DOCK4: variants seen among roughly 807,000 people sequenced by gnomAD.
The protein encoded by DOCK4 is dedicator of cytokinesis protein 4.
A neutral mutation model predicts 268.1 loss-of-function variants in DOCK4; 97 were observed. That is an observed-to-expected ratio of 0.36 (90% CI 0.31 to 0.43). DOCK4 has a LOEUF of 0.43. Among genes scored for constraint, DOCK4 ranks in the 20% least tolerant of loss-of-function variants. DOCK4 has a pLI of 1.00. For missense variants in DOCK4, 2,145 were observed against 2,455.7 expected (o/e 0.87, Z 2.67); for synonymous variants, 954 against 887.2 (o/e 1.08, Z -1.34).
At chr7:112,107,539 T>G (rs1476924122) in intron 1 of DOCK4, among the ~76,000 whole-genome samples, 2 of 152,216 alleles carry the variant, frequency 1.3e-5, no homozygotes, top group Non-Finnish European at 2.9e-5. Context: ...AGAAAATAAA[T>G]GTCTGTTGTT....
intron 8 of DOCK4, among the ~76,000 whole-genome samples, chr7:111,973,186 T>TATATATATATATATATATAA (rs1554399511): frequency 1.6e-4 from 22 of 137,552 alleles, no homozygotes; most frequent in African/African-American, 5.7e-4. Flanking sequence ...TATATATATA[T>TATATATATATATATATATAA]AATATTTTCT....
chr7:111,977,380 T>C, intron 7 of DOCK4, 97 bp from the exon 8 acceptor site: 1 of 1,329,608 alleles, frequency 7.5e-7, no homozygotes, highest in Non-Finnish European at 1.0e-6. Flanking sequence ...TGTGATGTCC[T>C]ACGCCATAAC....
At chr7:112,191,133 G>A (rs907095917) in intron 1 of DOCK4, among the ~76,000 whole-genome samples, 1 of 152,172 alleles carries the variant, frequency 6.6e-6, no homozygotes, top group Non-Finnish European at 1.5e-5. Context: ...AGGCTAGAGT[G>A]CAGTAGCTAG....
intron 1 of DOCK4, among the ~76,000 whole-genome samples, chr7:112,171,376 T>C (rs933925572): frequency 1.3e-5 from 2 of 152,224 alleles, no homozygotes; most frequent in Non-Finnish European, 2.9e-5. Context: ...TGTCATATTT[T>C]TTTTCATTAA....
intron 16 of DOCK4, among the ~76,000 whole-genome samples, chr7:111,890,255 T>C (rs1304941378): frequency 3.3e-5 from 5 of 152,228 alleles, no homozygotes; most frequent in Non-Finnish European, 7.3e-5. Flanking sequence ...TTAATTCTTT[T>C]TTCTTAACTT....
chr7:111,831,014 T>C lies in DOCK4; in HGVS notation c.2835+3574A>G, dbSNP rs550671073. On this transcript the variant is annotated intron_variant, in intron 26 of 52. Transcript: ENST00000428084. ...TCTACACTCTCCTTGGATGTTCACA[T>C]TTACTCCCATGATGTCAGTTATTAT... is the stretch of plus-strand genomic sequence containing the variant. Among the ~76,000 whole-genome samples the C allele has an allele frequency of 5.9e-5, 9 of 152,212 alleles. No homozygotes were observed. In the South Asian group the frequency reaches 1.7e-3, roughly 28 times the overall value.
chr7:112,008,635 C>T (rs1423012455), intron 1 of DOCK4, among the ~76,000 whole-genome samples: 3 of 152,142 alleles, frequency 2.0e-5, no homozygotes, highest in African/African-American at 7.2e-5. Context: ...AACTTTTAAA[C>T]TGAATACAAA....
chr7:111,822,258 C>CAA (rs113026478), intron 27 of DOCK4, 104 bp downstream of exon 27: 586 of 797,784 alleles, frequency 7.3e-4, no homozygotes, highest in African/African-American at 5.7e-3. Context: ...AATTCAGAGG[C>CAA]AAAAAAAAAA....
intron 23 of DOCK4, among the ~76,000 whole-genome samples, chr7:111,857,310 T>G (rs909862852): frequency 6.6e-6 from 1 of 152,206 alleles, no homozygotes; most frequent in Non-Finnish European, 1.5e-5. Context: ...AATTTTTTAT[T>G]GCAGTTTTGT....
At chr7:112,044,272 T>C (rs1804641256) in intron 1 of DOCK4, among the ~76,000 whole-genome samples, 1 of 152,112 alleles carries the variant, frequency 6.6e-6, no homozygotes, top group Admixed American at 6.6e-5. Context: ...TTCTGAACTA[T>C]ATCAGCATGA....
At chr7:111,847,335 T>C (rs1586161092) in intron 23 of DOCK4, among the ~76,000 whole-genome samples, 1 of 152,262 alleles carries the variant, frequency 6.6e-6, no homozygotes, top group East Asian at 1.9e-4. Flanking sequence ...TTGACACTTT[T>C]AGGTGAAATA....
chr7:111,808,647 A>G (rs1800848300), intron 30 of DOCK4, 174 bp downstream of exon 30: 1 of 568,422 alleles, frequency 1.8e-6, no homozygotes, highest in Admixed American at 3.3e-5. Flanking sequence ...CAATTTAAAG[A>G]ATTTGTTGTA....
At chr7:111,883,375 T>C (rs1389482421) in intron 16 of DOCK4, among the ~76,000 whole-genome samples, 4 of 152,168 alleles carry the variant, frequency 2.6e-5, no homozygotes, top group Non-Finnish European at 5.9e-5. Flanking sequence ...CACCACTTCC[T>C]AGTGTGACTA....
intron 1 of DOCK4, among the ~76,000 whole-genome samples, chr7:112,050,897 A>G (rs977447728): frequency 6.6e-6 from 1 of 152,174 alleles, no homozygotes; most frequent in African/African-American, 2.4e-5. Context: ...TGTTTAGCTT[A>G]GTATTTCAAA....
At chr7:111,840,579 G>C (rs909280733) in intron 25 of DOCK4, among the ~76,000 whole-genome samples, 2 of 151,650 alleles carry the variant, frequency 1.3e-5, no homozygotes, top group African/African-American at 4.8e-5. Flanking sequence ...AAAAACAGTC[G>C]GTGGAAAAAC....
intron 12 of DOCK4, among the ~76,000 whole-genome samples, chr7:111,919,543 C>T (rs909127016): frequency 6.6e-6 from 1 of 152,098 alleles, no homozygotes; most frequent in Non-Finnish European, 1.5e-5. Context: ...TAGTTTTCAA[C>T]CTGAAGGTTT....
chr7:112,191,036 C>A (rs954233405), intron 1 of DOCK4, among the ~76,000 whole-genome samples: 1 of 152,190 alleles, frequency 6.6e-6, no homozygotes, highest in East Asian at 1.9e-4. Context: ...TTTTTTCTAG[C>A]CCCCTACCTT....
intron 5 of DOCK4, among the ~76,000 whole-genome samples, chr7:111,990,012 T>C (rs1475145635): frequency 6.6e-6 from 1 of 152,212 alleles, no homozygotes. Flanking sequence ...AATTTCAGTT[T>C]TGCCATTTAC....
At chr7:111,878,699 C>T (rs1807121603) in intron 16 of DOCK4, among the ~76,000 whole-genome samples, 1 of 152,028 alleles carries the variant, frequency 6.6e-6, no homozygotes, top group African/African-American at 2.4e-5. Context: ...ACATTGAACT[C>T]ACTGCTGCCC....
Sources: gnomAD v4.1 joint callset for allele counts (sites outside exome capture counted in the v4.1 genomes callset) on GRCh38, gnomAD v4.1.1 for gene constraint, MANE v1.5 for transcripts, NCBI Gene and HGNC (gene_info 2026-07-23, HGNC 2026-07-21) for gene names.